CFAP70: variants seen among roughly 807,000 people sequenced by gnomAD.
CFAP70 encodes cilia- and flagella-associated protein 70.
CFAP70 carries 81 observed loss-of-function variants against 137.6 expected under a neutral mutation model. The observed-to-expected ratio is 0.59, with a 90% CI of 0.49 to 0.71. The LOEUF is 0.71. Ranked by LOEUF, CFAP70 falls within the 30% of genes least tolerant of loss-of-function variation. CFAP70 has a pLI of 0.00. For missense variants in CFAP70, 976 were observed against 1,226.7 expected (o/e 0.80, Z 3.05); for synonymous variants, 382 against 423.6 (o/e 0.90, Z 1.20).
chr10:73,276,392 C>T (rs925188838), intron 21 of CFAP70: 1 of 152,132 alleles, frequency 6.6e-6, no homozygotes, highest in African/African-American at 2.4e-5. Flanking sequence ...ATACTTACAC[C>T]TTTTTAGGAG....
At chr10:73,320,333 A>G (rs74730762) in intron 9 of CFAP70, among the ~76,000 whole-genome samples, 2,237 of 151,328 alleles carry the variant, frequency 0.015, 48 homozygotes, top group African/African-American at 0.045. Flanking sequence ...TTTTATTTTT[A>G]ATTTTTTTTG....
intron 12 of CFAP70, 95 bp downstream of exon 13, chr10:73,310,063 T>C: frequency 1.4e-6 from 1 of 736,334 alleles, no homozygotes; most frequent in Non-Finnish European, 2.2e-6. Flanking sequence ...AACTCCTGCT[T>C]AGCCCAAGGG....
rs112386249 is a variant in CFAP70 at position 73,289,294 on chromosome 10, A to T, written c.2239+1932T>A. ...ATTAATTAATTTATTTATTATTATTATTTTTTTTTGAGATGGAGTCTCACT... is the reference window on the plus strand; with the variant it reads ...ATTAATTAATTTATTTATTATTATTTTTTTTTTTTGAGATGGAGTCTCACT... On this transcript the variant is annotated intron_variant, in intron 19 of 26. Coordinates refer to ENST00000310715, the Ensembl canonical transcript of CFAP70. 1.0e-3 allele frequency among the ~76,000 whole-genome samples: 155 copies of T among 150,960 alleles called. 4 individuals carry two copies. The highest frequency in any genetic ancestry group is 8.2e-3 in the South Asian group (39 of 4,758).
rs189736462 is a variant in CFAP70, at chr10:73,337,612, G to T, written c.583-2088C>A. On this transcript the variant is annotated intron_variant, in intron 6 of 26. Transcript: ENST00000310715. ...GAAAATCTGGACTTCCTAAAGAAAA[G>T]AACTTTTATCTGCTGGGTGCAGTGG... Among the ~76,000 whole-genome samples, 28 of 151,900 alleles carry T rather than the reference G, an allele frequency of 1.8e-4. 1 individual carries two copies. Among genetic ancestry groups the T allele is most frequent in the African/African-American group, 6.5e-4 (27 of 41,444 alleles).
intron 7 of CFAP70, among the ~76,000 whole-genome samples, chr10:73,332,426 C>T (rs1460348632): frequency 1.3e-5 from 2 of 152,198 alleles, no homozygotes; most frequent in Admixed American, 6.5e-5. Context: ...AACTACTTTA[C>T]CAGATCCTTA....
intron 25 of CFAP70, among the ~76,000 whole-genome samples, chr10:73,261,445 GA>G (rs930668015): frequency 3.1e-4 from 47 of 152,308 alleles, no homozygotes; most frequent in Admixed American, 3.0e-3. Context: ...AATCATGGTG[GA>G]AGGCAAAGAG....
intron 3 of CFAP70, among the ~76,000 whole-genome samples, chr10:73,351,122 G>T (rs201798697): frequency 0.28 from 18,155 of 63,962 alleles, 2,126 homozygotes; most frequent in African/African-American, 0.42. Flanking sequence ...TGTATGTTTT[G>T]TTTTTTTTTT....
intron 8 of CFAP70, among the ~76,000 whole-genome samples, chr10:73,330,229 A>C (rs553071294): frequency 5.3e-4 from 81 of 152,154 alleles, no homozygotes; most frequent in African/African-American, 1.8e-3. Flanking sequence ...AGGCGGGTGG[A>C]TCATGAGGTC....
At chr10:73,306,731 G>T (rs1403225948) in intron 12 of CFAP70, among the ~76,000 whole-genome samples, 2 of 152,060 alleles carry the variant, frequency 1.3e-5, no homozygotes, top group Non-Finnish European at 2.9e-5. Flanking sequence ...AAAGGTAAAA[G>T]AATTCTATAT....
At chr10:73,298,613 GA>G (rs2048712931) in intron 14 of CFAP70, among the ~76,000 whole-genome samples, 2 of 152,144 alleles carry the variant, frequency 1.3e-5, no homozygotes, top group South Asian at 4.2e-4. Context: ...GTCAGTACCA[GA>G]CAGAGTTTCT....
At chr10:73,263,059 T>C (rs995571183) in intron 25 of CFAP70, among the ~76,000 whole-genome samples, 1 of 152,182 alleles carries the variant, frequency 6.6e-6, no homozygotes, top group African/African-American at 2.4e-5. Context: ...CTTATCAAGA[T>C]TTTTCCAATT....
At chr10:73,324,177 T>G (rs2132228427) in intron 8 of CFAP70, among the ~76,000 whole-genome samples, 1 of 152,268 alleles carries the variant, frequency 6.6e-6, no homozygotes. Context: ...TCGTGGTTCA[T>G]GAAAATCCGC....
intron 9 of CFAP70, among the ~76,000 whole-genome samples, chr10:73,317,832 G>A (rs1400605956): frequency 1.5e-4 from 23 of 152,178 alleles, no homozygotes; most frequent in Admixed American, 1.2e-3. Context: ...ATGTGATCCC[G>A]TGTTGTAGGT....
At chr10:73,266,300 T>C (rs1467709475) in intron 25 of CFAP70, among the ~76,000 whole-genome samples, 1 of 152,206 alleles carries the variant, frequency 6.6e-6, no homozygotes, top group Admixed American at 6.5e-5. Flanking sequence ...CCCGTCTCCC[T>C]ATACACCCTG....
chr10:73,355,640 G>A (rs2054617822), intron 1 of CFAP70, among the ~76,000 whole-genome samples: 1 of 152,166 alleles, frequency 6.6e-6, no homozygotes, highest in Non-Finnish European at 1.5e-5. Context: ...AGCCAGGTGT[G>A]ATGGCACATG....
intron 19 of CFAP70, among the ~76,000 whole-genome samples, chr10:73,280,816 A>T (rs1268110720): frequency 6.6e-5 from 10 of 152,040 alleles, no homozygotes; most frequent in Admixed American, 6.6e-4. Context: ...TTCCCTGATC[A>T]GATTTATCTG....
At chr10:73,328,817 A>G (rs1179781552) in intron 8 of CFAP70, among the ~76,000 whole-genome samples, 2 of 151,164 alleles carry the variant, frequency 1.3e-5, no homozygotes, top group African/African-American at 2.4e-5. Context: ...TTAGAATGGC[A>G]ATCATTAAAA....
intron 9 of CFAP70, among the ~76,000 whole-genome samples, chr10:73,313,256 C>T (rs1290391655): frequency 2.6e-5 from 4 of 151,542 alleles, no homozygotes; most frequent in Non-Finnish European, 5.9e-5. Flanking sequence ...CCTGTAGTGC[C>T]AGCTACTCGG....
At chr10:73,346,413 A>G (rs2053710242) in intron 4 of CFAP70, among the ~76,000 whole-genome samples, 1 of 151,818 alleles carries the variant, frequency 6.6e-6, no homozygotes, top group Admixed American at 6.6e-5. Flanking sequence ...GGGCAGGCAT[A>G]TTACCTGAGG....
Sources: allele counts gnomAD v4.1 joint callset (sites outside exome capture counted in the v4.1 genomes callset), GRCh38; gene constraint gnomAD v4.1.1; transcripts MANE v1.5; gene names NCBI Gene and HGNC (gene_info 2026-07-23, HGNC 2026-07-21).